DPP6: variants seen among roughly 807,000 people sequenced by gnomAD.
DPP6 encodes A-type potassium channel modulatory protein DPP6.
In DPP6, 69 loss-of-function variants were observed where a neutral mutation model predicts 122.6. That is an observed-to-expected ratio of 0.56 (90% CI 0.46 to 0.69). The LOEUF (loss-of-function observed/expected upper bound fraction) is 0.69, where lower values mean the gene tolerates loss of function less well. DPP6 is among the 30% of genes least tolerant of loss of function. The pLI, the probability that DPP6 is intolerant of heterozygous loss-of-function variation, is 0.00. For synonymous variants in DPP6, 418 were observed against 433.1 expected (o/e 0.97, Z 0.43); for missense variants, 928 against 1,116.9 (o/e 0.83, Z 2.41).
At chr7:154,762,050 C>G (rs750092942) in intron 8 of DPP6, among the ~76,000 whole-genome samples, 4 of 152,184 alleles carry the variant, frequency 2.6e-5, no homozygotes, top group Non-Finnish European at 5.9e-5. Flanking sequence ...ATCATGAGGA[C>G]AGCACGGAGT....
chr7:154,331,117 T>G (rs1435248123), intron 1 of DPP6, among the ~76,000 whole-genome samples: 2 of 152,164 alleles, frequency 1.3e-5, no homozygotes, highest in African/African-American at 2.4e-5. Context: ...TTCCACATTT[T>G]TTTCTCCCCC....
intron 16 of DPP6, among the ~76,000 whole-genome samples, chr7:154,817,398 G>T (rs1286927725): frequency 6.6e-6 from 1 of 152,148 alleles, no homozygotes; most frequent in Non-Finnish European, 1.5e-5. Flanking sequence ...TTAACATCAT[G>T]AGTGATTTAT....
intron 4 of DPP6, among the ~76,000 whole-genome samples, chr7:154,546,586 T>C (rs1829213160): frequency 6.6e-6 from 1 of 152,202 alleles, no homozygotes; most frequent in Admixed American, 6.5e-5. Flanking sequence ...TTTAATTGCT[T>C]ATTTTAATGA....
At chr7:154,259,013 G>A (rs551782951) in intron 1 of DPP6, among the ~76,000 whole-genome samples, 2 of 152,136 alleles carry the variant, frequency 1.3e-5, no homozygotes, top group Non-Finnish European at 2.9e-5. Flanking sequence ...TTGGGAAGAG[G>A]TAGAAGCAAA....
intron 5 of DPP6, among the ~76,000 whole-genome samples, chr7:154,591,144 G>A (rs1832789651): frequency 6.6e-6 from 1 of 152,200 alleles, no homozygotes; most frequent in Non-Finnish European, 1.5e-5. Flanking sequence ...AGGCCACAAG[G>A]GCCACTGGAG....
chr7:154,128,101 G>C (rs3102289), intron 1 of DPP6, among the ~76,000 whole-genome samples: 60,854 of 142,136 alleles, frequency 0.43, 13,889 homozygotes, highest in Non-Finnish European at 0.51. Flanking sequence ...TACCTTACCC[G>C]CAACAGGCAC....
chr7:153,990,039 C>T (rs1213758500), intron 1 of DPP6, among the ~76,000 whole-genome samples: 1 of 133,728 alleles, frequency 7.5e-6, no homozygotes, highest in East Asian at 2.3e-4. Flanking sequence ...CCTCTGCCAG[C>T]CAGAGCCAGT....
At chr7:153,959,320 G>C (rs1472258439) in intron 1 of DPP6, among the ~76,000 whole-genome samples, 1 of 151,874 alleles carries the variant, frequency 6.6e-6, no homozygotes, top group Non-Finnish European at 1.5e-5. Flanking sequence ...CTCACCTGTG[G>C]GTTGAATCTC....
intron 1 of DPP6, among the ~76,000 whole-genome samples, chr7:154,319,499 G>A (rs1807734323): frequency 6.6e-6 from 1 of 151,996 alleles, no homozygotes; most frequent in South Asian, 2.1e-4. Context: ...TTCAAGACCA[G>A]CCTGGCCAAC....
At chr7:154,245,173 G>A (rs925984892) in intron 1 of DPP6, among the ~76,000 whole-genome samples, 2 of 151,300 alleles carry the variant, frequency 1.3e-5, no homozygotes, top group Non-Finnish European at 2.9e-5. Context: ...GGCTGGTCTT[G>A]AACTCCTGAC....
chr7:153,975,319 G>A (rs56184342), intron 1 of DPP6, among the ~76,000 whole-genome samples: 59,126 of 141,346 alleles, frequency 0.42, 12,194 homozygotes, highest in Middle Eastern at 0.55. Context: ...GGGATAGATC[G>A]TTAGAAACAG....
Position 154,745,471 on chromosome 7 carries a change from G to A in DPP6, c.883+17584G>A, listed in dbSNP as rs141075784. Among the ~76,000 whole-genome samples the A allele has an allele frequency of 5.0e-4, 76 of 152,186 alleles. 1 individual carries two copies. Among genetic ancestry groups the A allele is most frequent in the African/African-American group, 1.5e-3 (64 of 41,514 alleles). ...AAATGTACCAGGCTTAGTAACACCC[G>A]GCCTTCCCATCTCATTAGAGGCTAG... On this transcript the variant is annotated intron_variant, in intron 8 of 25. Transcript: ENST00000377770.
intron 3 of DPP6, among the ~76,000 whole-genome samples, chr7:154,485,100 A>G (rs1031804956): frequency 6.6e-6 from 1 of 152,116 alleles, no homozygotes; most frequent in Non-Finnish European, 1.5e-5. Flanking sequence ...AGAGAGTAAT[A>G]AAGTCCCCTC....
intron 6 of DPP6, among the ~76,000 whole-genome samples, chr7:154,653,167 C>T (rs189510680): frequency 2.0e-4 from 31 of 152,272 alleles, no homozygotes; most frequent in Non-Finnish European, 4.4e-5. Context: ...TTGTTTTTAA[C>T]ACATATGATG....
chr7:153,921,733 C>T (rs1390887438), intron 1 of DPP6, among the ~76,000 whole-genome samples: 1 of 152,134 alleles, frequency 6.6e-6, no homozygotes, highest in African/African-American at 2.4e-5. Context: ...ACATAATGGC[C>T]CTTTAAATAA....
chr7:153,892,495 G>A (rs765967310), intron 1 of DPP6, among the ~76,000 whole-genome samples: 1 of 152,010 alleles, frequency 6.6e-6, no homozygotes, highest in South Asian at 2.1e-4. Context: ...TGTATTTTTA[G>A]TAGAGACGAG....
Position 154,833,040 on chromosome 7 carries a change from G to C in DPP6, c.1667-20740G>C, listed in dbSNP as rs1045307977. ...ATGAGGACAGAGGCCCTGCCCTCAA[G>C]TAGCCTGAAGTCTAGGAAAATGAAT... is the stretch of plus-strand genomic sequence containing the variant. On this transcript the variant is annotated intron_variant, in intron 16 of 25. Coordinates refer to ENST00000377770, the MANE Select transcript of DPP6 (RefSeq NM_130797.4). This position sits in a 1 kb window ranked among gnomAD's most constrained non-coding sequence, Gnocchi z 4.3. Among the ~76,000 whole-genome samples, 2 of 152,218 alleles carry C rather than the reference G, an allele frequency of 1.3e-5. No individual in the cohort carries two copies. Among genetic ancestry groups the C allele is most frequent in the African/African-American group, 4.8e-5 (2 of 41,454 alleles).
chr7:153,913,640 T>C (rs1800181239), intron 1 of DPP6, among the ~76,000 whole-genome samples: 2 of 151,274 alleles, frequency 1.3e-5, no homozygotes, highest in Admixed American at 1.3e-4. Context: ...TTTAGCATTC[T>C]TTTGGCAAGG....
chr7:154,334,188 GAAA>G (rs11302452), intron 1 of DPP6, among the ~76,000 whole-genome samples: 3 of 145,710 alleles, frequency 2.1e-5, no homozygotes, highest in East Asian at 4.0e-4. Flanking sequence ...ACAGAAAATG[GAAA>G]AAAAAAAAAA....
Sources: gnomAD v4.1 joint callset for allele counts (sites outside exome capture counted in the v4.1 genomes callset) on GRCh38, gnomAD v4.1.1 for gene constraint, Gnocchi (gnomAD v3.1) non-coding constraint, MANE v1.5 for transcripts, NCBI Gene and HGNC (gene_info 2026-07-23, HGNC 2026-07-21) for gene names.